Variants in CSMD1 observed in about 807,000 individuals in gnomAD.
The protein encoded by CSMD1 is CUB and Sushi multiple domains 1, also known as CUB and sushi domain-containing protein 1.
A neutral mutation model predicts 417.5 loss-of-function variants in CSMD1; 213 were observed. That is an observed-to-expected ratio of 0.51 (90% CI 0.46 to 0.57). The LOEUF is 0.57. CSMD1 is among the 20% of genes least tolerant of loss of function. The pLI, the probability that CSMD1 is intolerant of heterozygous loss-of-function variation, is 0.00. For missense variants in CSMD1, 6,923 were observed against 4,529.7 expected (o/e 1.53, Z -15.17); for synonymous variants, 2,862 against 1,736.8 (o/e 1.65, Z -16.11).
intron 15 of CSMD1, among the ~76,000 whole-genome samples, chr8:3,404,489 C>A (rs867989943): frequency 3.7e-4 from 57 of 152,186 alleles, no homozygotes; most frequent in Middle Eastern, 6.8e-3. Flanking sequence ...CACCTAGACC[C>A]CAGCTCTGCT....
intron 26 of CSMD1, among the ~76,000 whole-genome samples, chr8:3,254,473 C>A (rs1012388959): frequency 1.3e-5 from 2 of 152,170 alleles, no homozygotes; most frequent in African/African-American, 4.8e-5. Flanking sequence ...AGAGTGTTTT[C>A]CAACTTGGTT....
intron 37 of CSMD1, among the ~76,000 whole-genome samples, chr8:3,172,186 C>T (rs1431715678): frequency 1.3e-5 from 2 of 152,128 alleles, no homozygotes; most frequent in South Asian, 4.2e-4. Context: ...CTTTTTCAAC[C>T]TTCTTTCCTT....
chr8:4,579,855 C>A (rs117762520), intron 2 of CSMD1, among the ~76,000 whole-genome samples: 1 of 152,032 alleles, frequency 6.6e-6, no homozygotes, highest in Non-Finnish European at 1.5e-5. Flanking sequence ...TAAACATTTC[C>A]CAAGTGTAAA....
At chr8:4,140,599 T>A (rs1485172127) in intron 3 of CSMD1, among the ~76,000 whole-genome samples, 1 of 150,654 alleles carries the variant, frequency 6.6e-6, no homozygotes, top group African/African-American at 2.5e-5. Context: ...ACCCAAGAGG[T>A]CAAGGCTGCA....
chr8:3,689,479 G>A (rs919205793), intron 7 of CSMD1, among the ~76,000 whole-genome samples: 1 of 152,190 alleles, frequency 6.6e-6, no homozygotes, highest in African/African-American at 2.4e-5. Flanking sequence ...CTTGAAGACA[G>A]AATAGTGTTT....
At chr8:4,108,649 C>G (rs760757023) in intron 3 of CSMD1, among the ~76,000 whole-genome samples, 3 of 152,200 alleles carry the variant, frequency 2.0e-5, no homozygotes, top group Admixed American at 1.3e-4. Context: ...TGAAATGCCA[C>G]CTGACACTTT....
At chr8:4,591,326 G>C (rs1799971962) in intron 2 of CSMD1, among the ~76,000 whole-genome samples, 1 of 152,156 alleles carries the variant, frequency 6.6e-6, no homozygotes, top group African/African-American at 2.4e-5. Flanking sequence ...ATTCTTTCTG[G>C]TCTAGGTCAG....
At chr8:4,050,047 T>G (rs1798343551) in intron 3 of CSMD1, among the ~76,000 whole-genome samples, 1 of 152,114 alleles carries the variant, frequency 6.6e-6, no homozygotes, top group Non-Finnish European at 1.5e-5. Context: ...TTCTGTGGAA[T>G]GTCCCTCCTG....
At chr8:4,200,323 T>A (rs1799573672) in intron 3 of CSMD1, among the ~76,000 whole-genome samples, 1 of 152,166 alleles carries the variant, frequency 6.6e-6, no homozygotes, top group South Asian at 2.1e-4. Context: ...CACTTAGATA[T>A]GGTATGCTGT....
chr8:3,239,154 C>T (rs1186767607), intron 26 of CSMD1, among the ~76,000 whole-genome samples: 2 of 152,092 alleles, frequency 1.3e-5, no homozygotes, highest in African/African-American at 4.8e-5. Context: ...GGTGGCTGAG[C>T]TTGGTAAGGT....
intron 1 of CSMD1, among the ~76,000 whole-genome samples, chr8:4,876,374 T>C (rs1263408452): frequency 6.6e-6 from 1 of 152,046 alleles, no homozygotes; most frequent in Non-Finnish European, 1.5e-5. Context: ...AATGCATACC[T>C]CTCTGAAATA....
intron 3 of CSMD1, among the ~76,000 whole-genome samples, chr8:4,039,692 T>C (rs781742218): frequency 1.3e-5 from 2 of 152,126 alleles, no homozygotes; most frequent in Non-Finnish European, 2.9e-5. Flanking sequence ...AAGTGAGCTG[T>C]AAATATACTT....
chr8:3,945,316 T>A (rs967509524), intron 5 of CSMD1, among the ~76,000 whole-genome samples: 1 of 152,106 alleles, frequency 6.6e-6, no homozygotes, highest in Non-Finnish European at 1.5e-5. Context: ...AGAAATTAAC[T>A]TATACTTAAA....
At chr8:4,062,802 C>G (rs946741559) in intron 3 of CSMD1, among the ~76,000 whole-genome samples, 1 of 151,496 alleles carries the variant, frequency 6.6e-6, no homozygotes, top group South Asian at 2.1e-4. Flanking sequence ...TATCTGTCAG[C>G]ATCACGGATG....
intron 57 of CSMD1, among the ~76,000 whole-genome samples, chr8:2,968,818 T>G (rs901990766): frequency 6.6e-6 from 1 of 152,190 alleles, no homozygotes; most frequent in East Asian, 1.9e-4. Context: ...AAGTTTAAAC[T>G]TTGCCATATT....
In CSMD1 at chr8:4,005,190, ATACTGCACAGGTGGTGG is replaced by A. The variant is rs1455478135; in HGVS notation, c.611-7097_611-7081del. 3.9e-5 allele frequency among the ~76,000 whole-genome samples: 6 copies of A among 152,304 alleles called. No homozygotes were observed. The South Asian group carries it at 1.0e-3, about 26-fold the overall frequency. On this transcript the variant is annotated intron_variant, in intron 4 of 69. Transcript: ENST00000635120. ...AAAGACAACATATATGATGCAGTGC[ATACTGCACAGGTGGTGG>A]GTGCACCATCTCAGAAATCACCACT...
At chr8:3,322,222 T>C (rs185316326) in intron 23 of CSMD1, among the ~76,000 whole-genome samples, 2 of 152,342 alleles carry the variant, frequency 1.3e-5, no homozygotes, top group South Asian at 2.1e-4. Flanking sequence ...ACAGCACAGA[T>C]TTCCAGCAGG....
intron 50 of CSMD1, 32 bp from the exon 51 acceptor site, chr8:3,029,545 T>G: frequency 6.5e-7 from 1 of 1,549,542 alleles, no homozygotes; most frequent in South Asian, 1.2e-5. Context: ...CATCATCATT[T>G]TTCTTTTTTG....
intron 10 of CSMD1, among the ~76,000 whole-genome samples, chr8:3,556,038 G>C (rs960858931): frequency 1.3e-5 from 2 of 152,010 alleles, no homozygotes; most frequent in South Asian, 2.1e-4. Context: ...AGAGGAATTT[G>C]ACATTAACTT....
Sources: allele counts gnomAD v4.1 joint callset (sites outside exome capture counted in the v4.1 genomes callset), GRCh38; gene constraint gnomAD v4.1.1; transcripts MANE v1.5; gene names NCBI Gene and HGNC (gene_info 2026-07-23, HGNC 2026-07-21).